Variants in IGSF5 observed in about 807,000 individuals in gnomAD.
IGSF5 encodes immunoglobulin superfamily 5 like.
IGSF5 carries 41 observed loss-of-function variants against 39.4 expected under a neutral mutation model. The observed-to-expected ratio is 1.04, with a 90% CI of 0.81 to 1.35. IGSF5 has a LOEUF of 1.35. Ranked by LOEUF, IGSF5 falls within the 40% of genes most tolerant of loss-of-function variation. The pLI, the probability that IGSF5 is intolerant of heterozygous loss-of-function variation, is 0.00. For missense variants in IGSF5, 487 were observed against 494.6 expected, an observed-to-expected ratio of 0.98 and a Z score of 0.15; for synonymous variants, 183 against 175.3, an observed-to-expected ratio of 1.04 and a Z score of -0.34.
At chr21:39,783,937 T>G (rs1166576497) in intron 5 of IGSF5, among the ~76,000 whole-genome samples, 1 of 152,204 alleles carries the variant, frequency 6.6e-6, no homozygotes, top group Non-Finnish European at 1.5e-5. Flanking sequence ...AGGGGCCTAA[T>G]TTCATTCTTT....
At chr21:39,746,400 A>C in intron 2 of IGSF5, 102 bp downstream of exon 2, 1 of 603,458 alleles carries the variant, frequency 1.7e-6, no homozygotes, top group Non-Finnish European at 3.0e-6. Flanking sequence ...CTCCCATACA[A>C]AGGGAGGGGT....
chr21:39,748,700 G>A (rs1602362906), intron 2 of IGSF5, among the ~76,000 whole-genome samples: 2 of 152,094 alleles, frequency 1.3e-5, no homozygotes, highest in African/African-American at 2.4e-5. Flanking sequence ...AGCAATTTCG[G>A]GGGAACACAA....
At chr21:39,731,415 C>T in the IGSF5 span, among the ~76,000 whole-genome samples, 1 of 152,120 alleles carries the variant, frequency 6.6e-6, no homozygotes, top group Admixed American at 6.5e-5. Context: ...TTCCATATTC[C>T]CTTCTCTTTG....
At chr21:39,753,435 C>A (rs548076802) in intron 2 of IGSF5, among the ~76,000 whole-genome samples, 1 of 152,202 alleles carries the variant, frequency 6.6e-6, no homozygotes, top group East Asian at 1.9e-4. Context: ...GTGAAGCCTC[C>A]AGATTTATAC....
At chr21:39,770,726 C>T in intron 3 of IGSF5, among the ~76,000 whole-genome samples, 190 bp from the exon 4 acceptor site, 1 of 149,600 alleles carries the variant, frequency 6.7e-6, no homozygotes, top group South Asian at 2.1e-4. Context: ...GGCAGGTGTA[C>T]AAAAAAGACC....
chr21:39,725,467 G>A, the IGSF5 span, among the ~76,000 whole-genome samples: 1 of 152,296 alleles, frequency 6.6e-6, no homozygotes, highest in African/African-American at 2.4e-5. Flanking sequence ...GAAAGCAGCA[G>A]GGCCTCTTTC....
the IGSF5 span, among the ~76,000 whole-genome samples, chr21:39,737,440 C>G: frequency 1.3e-5 from 2 of 152,170 alleles, no homozygotes; most frequent in South Asian, 2.1e-4. Flanking sequence ...ACAAGACAGA[C>G]CCCCTGTACT....
At chr21:39,771,432 C>T (rs1006620385) in intron 4 of IGSF5, among the ~76,000 whole-genome samples, 1 of 152,122 alleles carries the variant, frequency 6.6e-6, no homozygotes, top group Non-Finnish European at 1.5e-5. Flanking sequence ...TCTCCTATTA[C>T]ATTTGAAAAC....
At chr21:39,735,321 TAAAG>T in the IGSF5 span, among the ~76,000 whole-genome samples, 1 of 152,212 alleles carries the variant, frequency 6.6e-6, no homozygotes, top group African/African-American at 2.4e-5. Context: ...ACTTTTATAA[TAAAG>T]AAAATCATAA....
At position 39,766,071 on chromosome 21, in the gene IGSF5, C is replaced by G. The variant is rs528889530; in HGVS notation, c.418+219C>G. ...CCTCACTTCTTCTTCCCTTCTCCCC[C>G]TCTCTTCCTTCCTGTGTGCTCTAGC... On this transcript the variant is annotated intron_variant, in intron 3 of 8. Coordinates refer to ENST00000380588, the MANE Select transcript of IGSF5 (RefSeq NM_001080444.2). Among the ~76,000 whole-genome samples, 5 of 152,332 alleles carry G rather than the reference C, an allele frequency of 3.3e-5. No homozygotes were observed. In the East Asian group the frequency reaches 7.7e-4, roughly 24 times the overall value.
Position 39,779,239 on chromosome 21 carries a change from T to C in IGSF5, c.868T>C (p.Cys290Arg), listed in dbSNP as rs148238696. The change falls in exon 5 of 9, where the codon TGC becomes CGC. Residue 290 changes from cysteine to arginine, a missense_variant. By Grantham distance (180) the Cys-to-Arg change is radical (BLOSUM62 -3). Coordinates refer to ENST00000380588, the MANE Select transcript of IGSF5 (RefSeq NM_001080444.2). ...TACTCTTACAATACGCTGCTGCTGCTGCCGCCGTCGTTGTTGTGGCTGCAA... is the reference window on the plus strand; with the variant it reads ...TACTCTTACAATACGCTGCTGCTGCCGCCGCCGTCGTTGTTGTGGCTGCAA... ...TCTLTIRCCC[C>R]RRRCCGCNCC... 1.7e-4 allele frequency: 269 copies of C among 1,613,820 alleles called. No individual in the cohort carries two copies. Among genetic ancestry groups the C allele is most frequent in the African/African-American group, 1.3e-3 (100 of 75,040 alleles).
intron 5 of IGSF5, among the ~76,000 whole-genome samples, chr21:39,787,552 G>GTTTTTT (rs33925299): frequency 0.065 from 7,699 of 119,338 alleles, 220 homozygotes; most frequent in East Asian, 0.11. Context: ...TAATGACAGT[G>GTTTTTT]TTTTTTTTTT....
At chr21:39,774,461 T>A (rs187827785) in intron 4 of IGSF5, among the ~76,000 whole-genome samples, 1 of 152,362 alleles carries the variant, frequency 6.6e-6, no homozygotes. Flanking sequence ...TCAGGGCAAG[T>A]CACAGGGTTG....
At chr21:39,741,873 T>G (rs553708754), upstream of IGSF5, among the ~76,000 whole-genome samples, 9 of 152,122 alleles carry the variant, frequency 5.9e-5, no homozygotes, top group Admixed American at 2.0e-4. Context: ...AACAGCCTCA[T>G]TGATAATCCT....
intron 8 of IGSF5, among the ~76,000 whole-genome samples, chr21:39,796,531 G>A (rs373596082): frequency 6.6e-5 from 10 of 152,294 alleles, no homozygotes; most frequent in East Asian, 5.8e-4. Flanking sequence ...TCAGAGTCCC[G>A]TCTCAGTTTT....
intron 2 of IGSF5, 93 bp from the exon 3 acceptor site, chr21:39,765,442 G>C (rs2080081780): frequency 9.4e-6 from 11 of 1,164,670 alleles, no homozygotes; most frequent in Middle Eastern, 4.0e-4. Context: ...ACAACCTGGG[G>C]GTTACCACTG....
chr21:39,746,139 C>T, intron 1 of IGSF5, 77 bp from the exon 2 acceptor site: 1 of 699,198 alleles, frequency 1.4e-6, no homozygotes, highest in Non-Finnish European at 2.6e-6. Flanking sequence ...AGGATGAACC[C>T]AGGCACTTAG....
At chr21:39,758,799 C>A (rs576443307) in intron 2 of IGSF5, among the ~76,000 whole-genome samples, 1 of 152,290 alleles carries the variant, frequency 6.6e-6, no homozygotes, top group Non-Finnish European at 1.5e-5. Context: ...GTTTCCATTG[C>A]TTCAGGGGTG....
intron 5 of IGSF5, 98 bp from the exon 6 acceptor site, chr21:39,788,069 G>T: frequency 1.2e-6 from 1 of 860,536 alleles, no homozygotes; most frequent in South Asian, 1.6e-5. Context: ...TACTAATGTT[G>T]GGTCTGTTAA....
Sources: allele counts gnomAD v4.1 joint callset (sites outside exome capture counted in the v4.1 genomes callset), GRCh38; gene constraint gnomAD v4.1.1; transcripts MANE v1.5; gene names NCBI Gene and HGNC (gene_info 2026-07-23, HGNC 2026-07-21).